Variants in NTN4 observed in about 807,000 individuals in gnomAD.
The protein encoded by NTN4 is netrin 4.
NTN4 carries 32 observed loss-of-function variants against 73.6 expected under a neutral mutation model. That is an observed-to-expected ratio of 0.44 (90% confidence interval 0.33 to 0.58). The LOEUF is 0.58. Among genes scored for constraint, NTN4 ranks in the 20% least tolerant of loss-of-function variants. NTN4 has a pLI of 0.04. For synonymous variants in NTN4, 258 were observed against 287.5 expected (o/e 0.90, Z 1.04); for missense variants, 654 against 798.3 (o/e 0.82, Z 2.18).
chr12:95,677,000 G>A lies in NTN4; in HGVS notation c.1510+5707C>T, dbSNP rs543778440. Among the ~76,000 whole-genome samples the A allele has an allele frequency of 3.3e-5, 5 of 152,304 alleles. No individual in the cohort carries two copies. In the South Asian group the frequency reaches 8.3e-4, roughly 25 times the overall value. On this transcript the variant is annotated intron_variant, in intron 7 of 9. Coordinates refer to ENST00000343702, the MANE Select transcript of NTN4 (RefSeq NM_021229.4). ...GCCTGTAATCCCAGCACTTCGGGAGGCTGAGGTGGGTGGATCTTAAGGTCA... is the reference window on the plus strand; with the variant it reads ...GCCTGTAATCCCAGCACTTCGGGAGACTGAGGTGGGTGGATCTTAAGGTCA...
chr12:95,678,348 G>GTA (rs1491196929), intron 7 of NTN4, among the ~76,000 whole-genome samples: 1 of 56,104 alleles, frequency 1.8e-5, no homozygotes, highest in African/African-American at 7.0e-5. Context: ...AGAACTTAAA[G>GTA]TAAAAAAAAA....
At chr12:95,727,773 A>G (rs1382375539) in intron 3 of NTN4, among the ~76,000 whole-genome samples, 3 of 152,238 alleles carry the variant, frequency 2.0e-5, no homozygotes, top group East Asian at 3.9e-4. Flanking sequence ...TGTTTTGGCT[A>G]TTTGAGGTCC....
In NTN4 at chr12:95,666,848, C is replaced by T. The variant is rs562020080; in HGVS notation, c.1580-868G>A. 2.0e-5 allele frequency among the ~76,000 whole-genome samples: 3 copies of T among 152,334 alleles called. No homozygotes were observed. The South Asian group carries it at 6.2e-4, about 32-fold the overall frequency. ...CTGACTGGAGTTAGGGAAGCTGTCC[C>T]TTAATGGGTGTCCAACCTCTTGACT... is the stretch of plus-strand genomic sequence containing the variant. On this transcript the variant is annotated intron_variant, in intron 8 of 9. Transcript: ENST00000343702.
intron 5 of NTN4, among the ~76,000 whole-genome samples, chr12:95,702,298 CA>C (rs532799870): frequency 1.0e-5 from 1 of 100,208 alleles, no homozygotes; most frequent in Non-Finnish European, 2.2e-5. Flanking sequence ...AAAAAAAAAA[CA>C]AAAAAAAAGA....
intron 5 of NTN4, among the ~76,000 whole-genome samples, chr12:95,709,822 C>T (rs2078550682): frequency 6.6e-6 from 1 of 152,164 alleles, no homozygotes; most frequent in Non-Finnish European, 1.5e-5. Flanking sequence ...CATAAGGCAC[C>T]ATGCCTGGCC....
chr12:95,741,372 C>A, intron 2 of NTN4, among the ~76,000 whole-genome samples: 1 of 131,324 alleles, frequency 7.6e-6, no homozygotes, highest in Non-Finnish European at 1.6e-5. Flanking sequence ...ATAAATTAAA[C>A]TTTATCATAG....
chr12:95,672,692 A>T, intron 7 of NTN4: 2 of 1,446,600 alleles, frequency 1.4e-6, no homozygotes, highest in Non-Finnish European at 1.9e-6. Context: ...GAGCCTGACC[A>T]TCCTTTCTAC....
At chr12:95,691,902 T>TC (rs1334000965) in intron 5 of NTN4, among the ~76,000 whole-genome samples, 9 of 152,012 alleles carry the variant, frequency 5.9e-5, no homozygotes, top group Non-Finnish European at 7.4e-5. Flanking sequence ...GTCATCATTT[T>TC]CCCCCCAAAA....
At chr12:95,732,626 T>A (rs1167633057) in intron 3 of NTN4, among the ~76,000 whole-genome samples, 1 of 152,072 alleles carries the variant, frequency 6.6e-6, no homozygotes, top group Non-Finnish European at 1.5e-5. Flanking sequence ...AGATCACTCC[T>A]GACTTCAGGT....
At position 95,764,208 on chromosome 12, in the gene NTN4, T is replaced by C. The variant is rs1321845786; in HGVS notation, c.585+22731A>G. Among the ~76,000 whole-genome samples the C allele has an allele frequency of 2.6e-5, 4 of 152,248 alleles. No homozygotes were observed. In the East Asian group the frequency reaches 7.7e-4, roughly 29 times the overall value. On this transcript the variant is annotated intron_variant, in intron 2 of 9. Transcript: ENST00000343702. Reference sequence around the variant, plus strand: ...GTAACTGTCCCTTAAGCAGCTGAAGTGATGCAGGAGGCTGACTGGAAACTG... The same window carrying C: ...GTAACTGTCCCTTAAGCAGCTGAAGCGATGCAGGAGGCTGACTGGAAACTG...
chr12:95,778,114 G>A (rs188349020), intron 2 of NTN4, among the ~76,000 whole-genome samples: 103 of 152,164 alleles, frequency 6.8e-4, no homozygotes, highest in Middle Eastern at 3.4e-3. Context: ...TGAAACCAAC[G>A]AGAACAAAGA....
chr12:95,686,268 G>A (rs1178876245), intron 5 of NTN4, among the ~76,000 whole-genome samples: 1 of 152,120 alleles, frequency 6.6e-6, no homozygotes, highest in Admixed American at 6.6e-5. Context: ...TAGTCTTGTG[G>A]GGGAAACAGA....
rs1358290869 is a variant in NTN4, at chr12:95,696,023, C to CT, written c.1181-12313dup. Among the ~76,000 whole-genome samples the CT allele has an allele frequency of 3.4e-5, 5 of 147,754 alleles. No individual in the cohort carries two copies. The East Asian group carries it at 1.0e-3, about 30-fold the overall frequency. On this transcript the variant is annotated intron_variant, in intron 5 of 9. Transcript: ENST00000343702. The stretch of plus-strand genomic sequence containing the variant: ...CCCCTTTCCCTCCCTCCCATACTCA[C>CT]TTCCTTCCTTCCTTCCTTATTTTTC...
rs7977138 is a variant in NTN4 at position 95,709,542 on chromosome 12, T to C, written c.1180+899A>G. On this transcript the variant is annotated intron_variant, in intron 5 of 9. Coordinates refer to ENST00000343702, the MANE Select transcript of NTN4 (RefSeq NM_021229.4). The stretch of plus-strand genomic sequence containing the variant: ...CCTTTCTCTCTCTCTCTCTCTCTCT[T>C]TTTTTTTTTTTGGAAAGGTTTGGCT... Among the ~76,000 whole-genome samples the C allele has an allele frequency of 4.4e-3, 470 of 107,098 alleles. 3 individuals carry two copies. The highest frequency in any genetic ancestry group is 0.016 in the African/African-American group (412 of 25,878). The allele number at this position is 107,098 out of a possible 152,430, so 70.3% of individuals were successfully genotyped here.
intron 8 of NTN4, among the ~76,000 whole-genome samples, chr12:95,668,160 C>A (rs78517038): frequency 2.0e-4 from 20 of 101,936 alleles, no homozygotes; most frequent in South Asian, 3.1e-4. Flanking sequence ...TTTTTTTTTT[C>A]TATTAAGCCA....
chr12:95,686,813 C>G (rs2078364602), intron 5 of NTN4, among the ~76,000 whole-genome samples: 1 of 152,008 alleles, frequency 6.6e-6, no homozygotes, highest in Admixed American at 6.5e-5. Context: ...ATTGCTGATT[C>G]CAGCTCAGTC....
chr12:95,681,844 C>T (rs936529460), intron 7 of NTN4, among the ~76,000 whole-genome samples: 1 of 152,090 alleles, frequency 6.6e-6, no homozygotes, highest in Non-Finnish European at 1.5e-5. Flanking sequence ...TTTTCATATT[C>T]AGTTAATGTC....
At chr12:95,766,757 G>A (rs2079023858) in intron 2 of NTN4, among the ~76,000 whole-genome samples, 1 of 152,144 alleles carries the variant, frequency 6.6e-6, no homozygotes, top group Non-Finnish European at 1.5e-5. Context: ...GAAGACAGAA[G>A]GGCTCTTCTC....
chr12:95,672,372 A>G, intron 7 of NTN4: 4 of 835,396 alleles, frequency 4.8e-6, no homozygotes, highest in East Asian at 2.4e-5. Flanking sequence ...CCACTTCAGC[A>G]GCTGGTACGA....
Sources: gnomAD v4.1 joint callset for allele counts (sites outside exome capture counted in the v4.1 genomes callset) on GRCh38, gnomAD v4.1.1 for gene constraint, MANE v1.5 for transcripts, NCBI Gene and HGNC (gene_info 2026-07-23, HGNC 2026-07-21) for gene names.